Variants in SLC36A4 observed in about 807,000 individuals in gnomAD.
SLC36A4 encodes the protein neutral amino acid uniporter 4.
In SLC36A4, 49 loss-of-function variants were observed where a neutral mutation model predicts 50.5. The ratio of observed to expected loss-of-function variants is 0.97; its 90% CI spans 0.77 to 1.23. The LOEUF (loss-of-function observed/expected upper bound fraction) is 1.23. Among genes scored for constraint, SLC36A4 ranks in the 50% most tolerant of loss-of-function variants. SLC36A4 has a pLI of 0.00. For synonymous variants in SLC36A4, 207 were observed against 206.5 expected (o/e 1.00, Z -0.02); for missense variants, 611 against 608.4 (o/e 1.00, Z -0.05).
intron 9 of SLC36A4, among the ~76,000 whole-genome samples, chr11:93,155,944 T>A (rs1860339507): frequency 6.6e-6 from 1 of 152,184 alleles, no homozygotes; most frequent in Non-Finnish European, 1.5e-5. Flanking sequence ...CCATGATGTA[T>A]ATGTACCACA....
chr11:93,179,309 C>T (rs190345497), intron 6 of SLC36A4, among the ~76,000 whole-genome samples: 19 of 152,262 alleles, frequency 1.2e-4, no homozygotes, highest in South Asian at 2.1e-4. Context: ...TGCTAGTTTA[C>T]GGTGATGAAC....
chr11:93,163,730 G>A (rs897379277), intron 8 of SLC36A4, among the ~76,000 whole-genome samples: 1 of 152,026 alleles, frequency 6.6e-6, no homozygotes. Context: ...GAGTAGGAGG[G>A]GGATTAGTTC....
At chr11:93,160,105 C>G in intron 9 of SLC36A4, 1 of 985,360 alleles carries the variant, frequency 1.0e-6, no homozygotes, top group Non-Finnish European at 1.2e-6. Context: ...TTATTCTAGT[C>G]CAAACTTCTC....
chr11:93,145,193 G>A lies in SLC36A4; in HGVS notation c.*3344C>T, dbSNP rs982386581. 1 of 151,986 alleles carries A rather than the reference G, an allele frequency of 6.6e-6. No individual in the cohort carries two copies. The highest frequency in any genetic ancestry group is 1.5e-5 in the Non-Finnish European group (1 of 67,960). The allele number at this position is 151,986 out of a possible 1,614,324, so 9.4% of individuals were successfully genotyped here. On this transcript the variant is annotated 3_prime_UTR_variant, in exon 11 of 11. Coordinates refer to ENST00000326402, the MANE Select transcript of SLC36A4 (RefSeq NM_152313.4). ...TATTTTATAGTATTTTGCAGTTAAAGAGATTTTACATAACTACTATGAAAC... is the reference window on the plus strand; with the variant it reads ...TATTTTATAGTATTTTGCAGTTAAAAAGATTTTACATAACTACTATGAAAC...
intron 4 of SLC36A4, 125 bp from the exon 5 acceptor site, chr11:93,181,911 T>C: frequency 2.7e-6 from 2 of 738,026 alleles, no homozygotes; most frequent in African/African-American, 1.8e-5. Context: ...AACTGACAAA[T>C]GAGTTACCAA....
intron 9 of SLC36A4, among the ~76,000 whole-genome samples, chr11:93,161,649 C>A (rs1469217392): frequency 1.3e-5 from 2 of 152,156 alleles, no homozygotes; most frequent in Non-Finnish European, 2.9e-5. Context: ...ATAATTTCTG[C>A]TGTTGTTGCT....
intron 1 of SLC36A4, chr11:93,193,030 T>C (rs1386335452): frequency 1.1e-5 from 5 of 454,656 alleles, no homozygotes; most frequent in African/African-American, 2.1e-5. Flanking sequence ...CCCTGGCACA[T>C]AAATAAGTAA....
intron 9 of SLC36A4, chr11:93,160,891 A>AG (rs1201570715): frequency 2.2e-5 from 10 of 454,766 alleles, no homozygotes; most frequent in Non-Finnish European, 2.6e-5. Flanking sequence ...CCCAGGCTGG[A>AG]GTGCAGTGGT....
intron 7 of SLC36A4, 194 bp from the exon 8 acceptor site, chr11:93,166,210 G>A (rs1416805919): frequency 1.5e-6 from 2 of 1,330,198 alleles, no homozygotes; most frequent in Non-Finnish European, 1.9e-6. Context: ...ACTGCCAAAA[G>A]CAATTGTTTC....
chr11:93,174,975 G>A (rs1043454900), intron 6 of SLC36A4, among the ~76,000 whole-genome samples: 1,735 of 151,334 alleles, frequency 0.011, 15 homozygotes, highest in Non-Finnish European at 0.018. Flanking sequence ...ATGAGTTAGG[G>A]AGGATTCCCT....
In SLC36A4 at chr11:93,185,680, A is replaced by G. The variant is rs777090153; in HGVS notation, c.179+11T>C. 1.3e-6 allele frequency: 2 copies of G among 1,578,528 alleles called. No individual in the cohort carries two copies. Among genetic ancestry groups the G allele is most frequent in the South Asian group, 1.2e-5 (1 of 84,374 alleles). On this transcript the variant is annotated intron_variant, in intron 2 of 10. Coordinates refer to ENST00000326402, the MANE Select transcript of SLC36A4 (RefSeq NM_152313.4). The stretch of plus-strand genomic sequence containing the variant: ...TAAAAGAAAAGGAGACTTATAAACC[A>G]TAACACTTACGAAATGCCCTCTTGA...
intron 10 of SLC36A4, chr11:93,152,726 T>C (rs1164884801): frequency 6.6e-6 from 1 of 152,106 alleles, no homozygotes; most frequent in Non-Finnish European, 1.5e-5. Flanking sequence ...TAGACCCCTT[T>C]TCCCATTGCC....
At chr11:93,196,998 T>G (rs957839191) in intron 1 of SLC36A4, among the ~76,000 whole-genome samples, 1 of 152,238 alleles carries the variant, frequency 6.6e-6, no homozygotes, top group African/African-American at 2.4e-5. Context: ...CAAAGTGCCC[T>G]GCAGGCTATT....
rs1332881364 is a variant in SLC36A4, at chr11:93,182,841, G to A, written c.324C>T (p.His108=). Residue 108 remains histidine, a synonymous_variant, in exon 4 of 11, where the codon CAC becomes CAT. Coordinates refer to ENST00000326402, the MANE Select transcript of SLC36A4 (RefSeq NM_152313.4). ...FIGIISVHCM[H]ILVRCSHFLC... ...GAAAGTGACTGCAACGTACCAATAT[G>A]TGCATACAGTGAACAGAAATAATTC... 7 of 1,612,904 alleles carry A rather than the reference G, an allele frequency of 4.3e-6. No homozygotes were observed. The South Asian group carries it at 6.6e-5, about 15-fold the overall frequency.
rs1859847806 is a variant in SLC36A4 at position 93,146,519 on chromosome 11, G to A, written c.*2018C>T. On this transcript the variant is annotated 3_prime_UTR_variant, in exon 11 of 11. Coordinates refer to ENST00000326402, the MANE Select transcript of SLC36A4 (RefSeq NM_152313.4). ...ATTACTGTTGATACCTAATGTGAAT[G>A]GTTAAAAAAGTTTTGATTCTTATGA... The A allele has an allele frequency of 6.6e-6, 1 of 151,806 alleles. No homozygotes were observed. Among genetic ancestry groups the A allele is most frequent in the Non-Finnish European group, 1.5e-5 (1 of 67,906 alleles). The allele number at this position is 151,806 out of a possible 1,614,324, so 9.4% of individuals were successfully genotyped here. A position where few individuals can be genotyped will look rare whatever the true frequency, so the allele number is the denominator to read the frequency against.
Position 93,197,774 on chromosome 11 carries a change from C to T in SLC36A4, c.55+4G>A. 6.3e-7 allele frequency: 1 copy of T among 1,588,890 alleles called. No individual in the cohort carries two copies. The highest frequency in any genetic ancestry group is 8.5e-7 in the Non-Finnish European group (1 of 1,174,260). ...CCGGCTCCCTGCCCACGCACAACAC[C>T]GACCTAGCTCCTCGCGCCTCGCCGC... is the stretch of plus-strand genomic sequence containing the variant. On this transcript the variant is annotated splice_donor_region_variant and intron_variant, in intron 1 of 10. Transcript: ENST00000326402.
intron 1 of SLC36A4, among the ~76,000 whole-genome samples, chr11:93,192,418 A>G (rs1156505041): frequency 6.6e-6 from 1 of 152,150 alleles, no homozygotes; most frequent in Non-Finnish European, 1.5e-5. Flanking sequence ...CAGAGGTGAC[A>G]GAAAGCAGAC....
In SLC36A4 at chr11:93,180,082, AT is replaced by A. The variant is rs1861670462; in HGVS notation, c.540+714del. 3 of 947,116 alleles carry A rather than the reference AT, an allele frequency of 3.2e-6. No homozygotes were observed. In the African/African-American group the frequency reaches 5.3e-5, roughly 17 times the overall value. 58.7% of individuals were successfully genotyped at this position (947,116 alleles called of 1,614,324 possible). ...ACAATCCTATATATTACTATGTAAA[AT>A]GTTTACTGTACCATGGACATGTGGA... On this transcript the variant is annotated intron_variant, in intron 6 of 10. Coordinates refer to ENST00000326402, the MANE Select transcript of SLC36A4 (RefSeq NM_152313.4).
At chr11:93,168,997 T>C (rs764914742) in intron 6 of SLC36A4, among the ~76,000 whole-genome samples, 6 of 152,106 alleles carry the variant, frequency 3.9e-5, no homozygotes, top group Non-Finnish European at 8.8e-5. Context: ...TAAAAATTTA[T>C]AGCAGATGCA....
Sources: allele counts gnomAD v4.1 joint callset (sites outside exome capture counted in the v4.1 genomes callset), GRCh38; gene constraint gnomAD v4.1.1; transcripts MANE v1.5; gene names NCBI Gene and HGNC (gene_info 2026-07-23, HGNC 2026-07-21).